The following FOXP2 variants were observed in gnomAD, a reference collection of about 807,000 sequenced individuals.
FOXP2 encodes forkhead box protein P2.
FOXP2 carries 12 observed loss-of-function variants against 115.8 expected under a neutral mutation model. That is an observed-to-expected ratio of 0.10 (90% CI 0.07 to 0.17). FOXP2 has a LOEUF of 0.17. FOXP2 is among the 10% of genes least tolerant of loss of function. The pLI, the probability that FOXP2 is intolerant of heterozygous loss-of-function variation, is 1.00. For missense variants in FOXP2, 629 were observed against 843.5 expected, an observed-to-expected ratio of 0.75 and a Z score of 3.15; for synonymous variants, 328 against 297.7, an observed-to-expected ratio of 1.10 and a Z score of -1.05.
chr7:114,308,254 G>T (rs569969658), intron 2 of FOXP2, among the ~76,000 whole-genome samples: 3 of 152,154 alleles, frequency 2.0e-5, no homozygotes, highest in Non-Finnish European at 2.9e-5. Context: ...TAGGCCACTG[G>T]GGGGGACTCA....
At chr7:114,541,530 T>C (rs2129281549) in intron 3 of FOXP2, among the ~76,000 whole-genome samples, 1 of 151,986 alleles carries the variant, frequency 6.6e-6, no homozygotes, top group South Asian at 2.1e-4. Context: ...TACTTTTAAA[T>C]CCCCCTCATT....
intron 2 of FOXP2, among the ~76,000 whole-genome samples, chr7:114,309,341 C>G (rs377169801): frequency 6.6e-6 from 1 of 152,172 alleles, no homozygotes; most frequent in South Asian, 2.1e-4. Flanking sequence ...AATCACCGTA[C>G]GAAGTGTGGC....
At chr7:114,688,540 G>A (rs952254591) in intron 16 of FOXP2, among the ~76,000 whole-genome samples, 1 of 152,104 alleles carries the variant, frequency 6.6e-6, no homozygotes, top group Non-Finnish European at 1.5e-5. Flanking sequence ...CTTTTTCACA[G>A]CGATTCCCTG....
At chr7:114,170,203 A>T (rs181796611) in intron 1 of FOXP2, among the ~76,000 whole-genome samples, 65 of 152,254 alleles carry the variant, frequency 4.3e-4, no homozygotes, top group African/African-American at 1.4e-3. Flanking sequence ...TGTTACTATT[A>T]TAATTGTTTG....
intron 2 of FOXP2, among the ~76,000 whole-genome samples, chr7:114,379,322 G>A (rs780891379): frequency 6.6e-6 from 1 of 152,090 alleles, no homozygotes; most frequent in African/African-American, 2.4e-5. Flanking sequence ...GCTAAGTTGC[G>A]AGCACCATGT....
At chr7:114,093,378 C>A (rs1441398566) in intron 1 of FOXP2, among the ~76,000 whole-genome samples, 1 of 152,102 alleles carries the variant, frequency 6.6e-6, no homozygotes, top group East Asian at 1.9e-4. Flanking sequence ...TTTTATTTTT[C>A]TTTATGGTAC....
intron 2 of FOXP2, chr7:114,463,218 C>T: frequency 4.4e-6 from 1 of 226,660 alleles, no homozygotes. Context: ...TATATATCCA[C>T]CTGTTAAATC....
At chr7:114,540,269 C>T (rs1799590422) in intron 3 of FOXP2, among the ~76,000 whole-genome samples, 1 of 151,978 alleles carries the variant, frequency 6.6e-6, no homozygotes, top group Admixed American at 6.6e-5. Flanking sequence ...CAAACATAAA[C>T]TTATATTTTA....
At chr7:114,507,626 T>C (rs1489283821) in intron 2 of FOXP2, among the ~76,000 whole-genome samples, 1 of 151,922 alleles carries the variant, frequency 6.6e-6, no homozygotes, top group Non-Finnish European at 1.5e-5. Context: ...AGCTGAAGTT[T>C]TGGTAATAAT....
intron 1 of FOXP2, among the ~76,000 whole-genome samples, chr7:114,166,848 T>A (rs1234461325): frequency 6.6e-6 from 1 of 152,222 alleles, no homozygotes; most frequent in Non-Finnish European, 1.5e-5. Flanking sequence ...TGTCATTAGC[T>A]AATTGCAAAT....
At chr7:114,498,655 A>G (rs1402880373) in intron 2 of FOXP2, among the ~76,000 whole-genome samples, 1 of 152,248 alleles carries the variant, frequency 6.6e-6, no homozygotes, top group African/African-American at 2.4e-5. Context: ...ATAGGTAACT[A>G]TCTAATTAAT....
At chr7:114,602,517 C>T (rs773944206) in intron 3 of FOXP2, among the ~76,000 whole-genome samples, 11 of 152,042 alleles carry the variant, frequency 7.2e-5, no homozygotes, top group South Asian at 2.1e-4. Context: ...AATTTAGTCA[C>T]AAGGAAGGAA....
chr7:114,337,097 A>G (rs1797871027), intron 2 of FOXP2, among the ~76,000 whole-genome samples: 1 of 151,532 alleles, frequency 6.6e-6, no homozygotes, highest in Non-Finnish European at 1.5e-5. Context: ...ATTATTCTAT[A>G]ATATTTCAGT....
chr7:114,431,152 G>A (rs1408100392), intron 2 of FOXP2, among the ~76,000 whole-genome samples: 1 of 151,894 alleles, frequency 6.6e-6, no homozygotes, highest in East Asian at 1.9e-4. Flanking sequence ...AATATGACAA[G>A]AACATGTTCA....
intron 1 of FOXP2, among the ~76,000 whole-genome samples, chr7:114,101,696 T>C (rs1790965141): frequency 6.6e-6 from 1 of 152,084 alleles, no homozygotes; most frequent in South Asian, 2.1e-4. Context: ...GCCCTTCTTA[T>C]GTATTATGTC....
chr7:114,630,065 G>A (rs1483574876), intron 5 of FOXP2, 60 bp downstream of exon 5: 14 of 1,600,794 alleles, frequency 8.7e-6, no homozygotes, highest in Non-Finnish European at 1.1e-5. Context: ...GGCTTTGAGC[G>A]GCAAGAATAG....
chr7:114,107,095 A>T (rs1791137401), intron 1 of FOXP2, among the ~76,000 whole-genome samples: 1 of 151,938 alleles, frequency 6.6e-6, no homozygotes, highest in Non-Finnish European at 1.5e-5. Flanking sequence ...TATCTTAGGC[A>T]GTTTCTTTTG....
At position 114,232,614 on chromosome 7, in the gene FOXP2, G is replaced by A. The variant is rs190616872; in HGVS notation, c.-101-55405G>A. Among the ~76,000 whole-genome samples, 35 of 152,192 alleles carry A rather than the reference G, an allele frequency of 2.3e-4. No homozygotes were observed. In the Middle Eastern group the frequency reaches 0.01, roughly 44 times the overall value. On this transcript the variant is annotated intron_variant, in intron 1 of 17. Coordinates refer to the FOXP2 transcript ENST00000634411. ...GGATCACCTGAGGTCAGGAGTTCGA[G>A]ACCAGCCTGACCAACATGGAGAAAC...
At chr7:114,351,358 T>C (rs1417358742) in intron 2 of FOXP2, among the ~76,000 whole-genome samples, 3 of 152,152 alleles carry the variant, frequency 2.0e-5, no homozygotes, top group African/African-American at 7.2e-5. Context: ...ATGTTGCATA[T>C]TAAATGTAAA....
Sources: gnomAD v4.1 joint callset for allele counts (sites outside exome capture counted in the v4.1 genomes callset) on GRCh38, gnomAD v4.1.1 for gene constraint, MANE v1.5 for transcripts, NCBI Gene and HGNC (gene_info 2026-07-23, HGNC 2026-07-21) for gene names.